The following NEK6 variants were observed in gnomAD, a reference collection of about 807,000 sequenced individuals.
NEK6 encodes NIMA related kinase 6.
NEK6 carries 27 observed loss-of-function variants against 43.5 expected under a neutral mutation model. The ratio of observed to expected loss-of-function variants is 0.62; its 90% CI spans 0.46 to 0.86. The LOEUF (loss-of-function observed/expected upper bound fraction) is 0.86. NEK6 is among the 40% of genes least tolerant of loss of function. NEK6 has a pLI of 0.00. For synonymous variants in NEK6, 167 were observed against 164.1 expected, an observed-to-expected ratio of 1.02 and a Z score of -0.14; for missense variants, 318 against 414.4, an observed-to-expected ratio of 0.77 and a Z score of 2.02.
At chr9:124,321,688 G>T (rs1324599388) in intron 5 of NEK6, 119 bp downstream of exon 5, 2 of 664,894 alleles carry the variant, frequency 3.0e-6, no homozygotes, top group African/African-American at 3.6e-5. Flanking sequence ...GCCACCCGGG[G>T]ACCCTGGGCG....
At chr9:124,266,348 A>G (rs1410239709) in intron 1 of NEK6, among the ~76,000 whole-genome samples, 1 of 152,220 alleles carries the variant, frequency 6.6e-6, no homozygotes, top group Non-Finnish European at 1.5e-5. Flanking sequence ...ACAGAGACCC[A>G]GAGAGTCCAG....
At chr9:124,349,297 T>C (rs972769829) in intron 9 of NEK6, among the ~76,000 whole-genome samples, 1 of 152,284 alleles carries the variant, frequency 6.6e-6, no homozygotes, top group Admixed American at 6.5e-5. Flanking sequence ...TCCTTTCTCA[T>C]CTTCTGAATT....
intron 4 of NEK6, among the ~76,000 whole-genome samples, chr9:124,317,847 A>G (rs1451604413): frequency 2.6e-5 from 4 of 152,348 alleles, no homozygotes; most frequent in East Asian, 3.9e-4. Context: ...TGCAAAGGAC[A>G]TGACTTTTAT....
intron 1 of NEK6, among the ~76,000 whole-genome samples, chr9:124,294,375 T>C (rs1437907919): frequency 6.6e-6 from 1 of 151,882 alleles, no homozygotes; most frequent in African/African-American, 2.4e-5. Flanking sequence ...ATCTGGCTGG[T>C]CTGAGAAGCA....
At chr9:124,306,886 G>T (rs1833280460) in intron 2 of NEK6, among the ~76,000 whole-genome samples, 1 of 152,200 alleles carries the variant, frequency 6.6e-6, no homozygotes, top group African/African-American at 2.4e-5. Flanking sequence ...GTCTTTAAAG[G>T]TGAAATTCGT....
At chr9:124,306,370 C>T (rs111244628) in intron 2 of NEK6, among the ~76,000 whole-genome samples, 2 of 152,046 alleles carry the variant, frequency 1.3e-5, no homozygotes, top group African/African-American at 4.8e-5. Context: ...TGATTTAGAT[C>T]GTTTTGGGTT....
intron 1 of NEK6, among the ~76,000 whole-genome samples, chr9:124,291,046 G>A (rs1394670110): frequency 6.6e-6 from 1 of 152,218 alleles, no homozygotes; most frequent in Non-Finnish European, 1.5e-5. Context: ...GAATAAAGAT[G>A]CAATAACAAT....
chr9:124,278,383 G>C (rs958868728), intron 1 of NEK6, among the ~76,000 whole-genome samples: 4 of 150,042 alleles, frequency 2.7e-5, no homozygotes, highest in Non-Finnish European at 4.4e-5. Flanking sequence ...TGGGTTTGTA[G>C]GTTCCCCTAG....
At chr9:124,318,396 G>A (rs867042649) in intron 4 of NEK6, among the ~76,000 whole-genome samples, 6 of 151,928 alleles carry the variant, frequency 3.9e-5, no homozygotes, top group Non-Finnish European at 7.4e-5. Context: ...CCTGCACCAC[G>A]AAGCCCAGCT....
rs1442795559 is a variant in NEK6, at chr9:124,343,201, G to A, written c.717+3536G>A. 4.6e-5 allele frequency among the ~76,000 whole-genome samples: 7 copies of A among 151,178 alleles called. No homozygotes were observed. Among genetic ancestry groups the A allele is most frequent in the Admixed American group, 3.3e-4 (5 of 15,192 alleles). On this transcript the variant is annotated intron_variant, in intron 8 of 9. Coordinates refer to ENST00000320246, the MANE Select transcript of NEK6 (RefSeq NM_014397.6). The surrounding 1 kb of genome is among the most constrained non-coding windows in gnomAD (Gnocchi z 5.1). ...TGGAGTGAGTGGGGCTGTGCGGCTC[G>A]CAGCTGGGGGGGCTGGACCACAGCC...
chr9:124,285,103 G>A (rs1045728570), intron 1 of NEK6, among the ~76,000 whole-genome samples: 5 of 152,300 alleles, frequency 3.3e-5, no homozygotes, highest in Non-Finnish European at 7.4e-5. Context: ...GAAGAATTTC[G>A]TTTTGGAAGG....
intron 7 of NEK6, among the ~76,000 whole-genome samples, chr9:124,338,059 C>CAGCCTTCACCTTG (rs1284974909): frequency 6.6e-6 from 1 of 152,194 alleles, no homozygotes; most frequent in African/African-American, 2.4e-5. Flanking sequence ...CGGCTCACTG[C>CAGCCTTCACCTTG]AGCCTTCACC....
chr9:124,344,571 G>GC (rs1198464816), intron 8 of NEK6, among the ~76,000 whole-genome samples: 1 of 152,214 alleles, frequency 6.6e-6, no homozygotes, highest in Admixed American at 6.5e-5. Context: ...GGAGCTGGGA[G>GC]CAACAATGCC....
chr9:124,325,859 T>C (rs1564648919), intron 5 of NEK6, among the ~76,000 whole-genome samples: 1 of 152,256 alleles, frequency 6.6e-6, no homozygotes, highest in East Asian at 1.9e-4. Flanking sequence ...TCCGAGGAGA[T>C]GGGGGCAGCT....
chr9:124,292,083 C>G (rs1309794394), intron 1 of NEK6: 11 of 1,045,772 alleles, frequency 1.1e-5, no homozygotes, highest in Non-Finnish European at 1.3e-5. Context: ...GGAGCCACTT[C>G]AAAAGGTACC....
In NEK6 at chr9:124,312,891, C is replaced by T. The variant is rs145630779; in HGVS notation, c.231+242C>T. ...GCTGTGTACTGGGTCATGCAAGGAG[C>T]ACATGGAGCCTCTCAACAGTCCCGT... On this transcript the variant is annotated intron_variant, in intron 3 of 9. Coordinates refer to ENST00000320246, the MANE Select transcript of NEK6 (RefSeq NM_014397.6). 1.4e-3 allele frequency among the ~76,000 whole-genome samples: 207 copies of T among 152,368 alleles called. 1 individual carries two copies. The highest frequency in any genetic ancestry group is 2.2e-3 in the Admixed American group (33 of 15,304).
intron 1 of NEK6, among the ~76,000 whole-genome samples, chr9:124,300,311 C>T (rs1278899738): frequency 6.6e-6 from 1 of 152,142 alleles, no homozygotes; most frequent in Non-Finnish European, 1.5e-5. Context: ...ACACAGTGGC[C>T]GGACCTCTAG....
At chr9:124,329,281 G>A (rs1158009529) in intron 7 of NEK6, among the ~76,000 whole-genome samples, 5 of 149,162 alleles carry the variant, frequency 3.4e-5, no homozygotes, top group African/African-American at 1.2e-4. Flanking sequence ...AAGGGAAGCT[G>A]TCAAAGAGAA....
chr9:124,337,633 AAC>A (rs1264155196), intron 7 of NEK6, among the ~76,000 whole-genome samples: 1 of 152,228 alleles, frequency 6.6e-6, no homozygotes, highest in African/African-American at 2.4e-5. Flanking sequence ...CCACTGTGTG[AAC>A]AGACCACAGT....
Sources: gnomAD v4.1 joint callset for allele counts (sites outside exome capture counted in the v4.1 genomes callset) on GRCh38, gnomAD v4.1.1 for gene constraint, Gnocchi (gnomAD v3.1) non-coding constraint, MANE v1.5 for transcripts, NCBI Gene and HGNC (gene_info 2026-07-23, HGNC 2026-07-21) for gene names.